SAMD12: variants seen among roughly 807,000 people sequenced by gnomAD.
SAMD12 encodes sterile alpha motif domain-containing protein 12.
In SAMD12, 9 loss-of-function variants were observed where a neutral mutation model predicts 15.0. The ratio of observed to expected loss-of-function variants is 0.60; its 90% CI spans 0.36 to 1.05. SAMD12 has a LOEUF of 1.05. Among genes scored for constraint, SAMD12 ranks in the 50% least tolerant of loss-of-function variants. The probability of loss-of-function intolerance (pLI) is 0.01; values close to 1 mark genes in which losing one functional copy is unlikely to be tolerated. For synonymous variants in SAMD12, 86 were observed against 90.1 expected, an observed-to-expected ratio of 0.96 and a Z score of 0.25; for missense variants, 230 against 234.2, an observed-to-expected ratio of 0.98 and a Z score of 0.12.
rs190180921 is a variant in SAMD12 at position 118,420,040 on chromosome 8, C to A, written c.322+19792G>T. Among the ~76,000 whole-genome samples, 20 of 152,266 alleles carry A rather than the reference C, an allele frequency of 1.3e-4. No individual in the cohort carries two copies. The East Asian group carries it at 3.7e-3, about 28-fold the overall frequency. ...GAAAACTTTCAAAGAAATTACACTG[C>A]CCTCAAGGGTGGCATCTACAGAGGA... On this transcript the variant is annotated intron_variant, in intron 3 of 3. Coordinates refer to ENST00000314727, the MANE Select transcript of SAMD12 (RefSeq NM_207506.3).
chr8:118,529,840 C>T (rs4876851), intron 2 of SAMD12, among the ~76,000 whole-genome samples: 29,449 of 152,096 alleles, frequency 0.19, 2,995 homozygotes, highest in South Asian at 0.39. Flanking sequence ...AATAAACATA[C>T]GAGTGCAGGT....
At chr8:118,412,322 C>T (rs898942497) in intron 3 of SAMD12, among the ~76,000 whole-genome samples, 1 of 152,162 alleles carries the variant, frequency 6.6e-6, no homozygotes, top group Non-Finnish European at 1.5e-5. Flanking sequence ...TTCATCTCAA[C>T]CAGTACCTGA....
At chr8:118,361,630 C>A (rs563920782) in intron 4 of SAMD12, among the ~76,000 whole-genome samples, 17 of 152,152 alleles carry the variant, frequency 1.1e-4, no homozygotes, top group Non-Finnish European at 1.6e-4. Context: ...TACTAAGGCA[C>A]CGCAGTAATG....
At chr8:118,339,248 G>A (rs953571947) in intron 4 of SAMD12, among the ~76,000 whole-genome samples, 3 of 152,152 alleles carry the variant, frequency 2.0e-5, no homozygotes, top group African/African-American at 7.2e-5. Context: ...AGGATCACTT[G>A]AGGCTGGGGA....
At position 118,218,072 on chromosome 8, in the gene SAMD12, A is replaced by G. The variant is rs936733292; in HGVS notation, c.434-20340T>C. On this transcript the variant is annotated intron_variant, in intron 4 of 4. Coordinates refer to the SAMD12 transcript ENST00000409003. Reference sequence around the variant, plus strand: ...TATAGCTCACAGCCCAAGTTCTGCAACACCCAAGTTGGTCTGTACTCAAGA... The same window carrying G: ...TATAGCTCACAGCCCAAGTTCTGCAGCACCCAAGTTGGTCTGTACTCAAGA... Among the ~76,000 whole-genome samples the G allele has an allele frequency of 2.4e-4, 36 of 152,154 alleles. 1 individual carries two copies. Among genetic ancestry groups the G allele is most frequent in the Admixed American group, 1.3e-4 (2 of 15,278 alleles).
intron 3 of SAMD12, among the ~76,000 whole-genome samples, chr8:118,396,823 G>C (rs145539868): frequency 5.2e-4 from 79 of 152,254 alleles, no homozygotes; most frequent in African/African-American, 1.8e-3. Context: ...AGCTTCTGTT[G>C]AGCCCATAGT....
At chr8:118,365,142 T>A (rs921021941) in intron 4 of SAMD12, among the ~76,000 whole-genome samples, 8 of 152,164 alleles carry the variant, frequency 5.3e-5, no homozygotes, top group African/African-American at 1.7e-4. Flanking sequence ...ACTTTTCCAA[T>A]CTCACTTCCT....
intron 3 of SAMD12, among the ~76,000 whole-genome samples, chr8:118,389,840 T>C (rs1429914654): frequency 1.3e-5 from 2 of 152,224 alleles, no homozygotes; most frequent in African/African-American, 2.4e-5. Flanking sequence ...TCTTTTATTT[T>C]TAAGTTAGAT....
At chr8:118,553,813 A>C (rs1384795050) in intron 2 of SAMD12, among the ~76,000 whole-genome samples, 1 of 149,608 alleles carries the variant, frequency 6.7e-6, no homozygotes, top group East Asian at 1.9e-4. Context: ...CAGAATCTAC[A>C]ATGAACTCAA....
At chr8:118,305,328 T>C (rs72675862) in intron 4 of SAMD12, among the ~76,000 whole-genome samples, 2 of 152,270 alleles carry the variant, frequency 1.3e-5, no homozygotes, top group Non-Finnish European at 2.9e-5. Context: ...CAAGCTCTAT[T>C]CTACCTTCCA....
At chr8:118,394,076 T>C (rs1257789781) in intron 3 of SAMD12, among the ~76,000 whole-genome samples, 1 of 152,214 alleles carries the variant, frequency 6.6e-6, no homozygotes, top group Non-Finnish European at 1.5e-5. Context: ...GACACTGGCA[T>C]TGCTTCAGTG....
At chr8:118,179,182 C>T in the SAMD12 span, among the ~76,000 whole-genome samples, 4 of 152,076 alleles carry the variant, frequency 2.6e-5, no homozygotes, top group African/African-American at 9.7e-5. Context: ...TGGCTCATGT[C>T]TCTAATCCCA....
At chr8:118,430,181 T>C (rs1338802006) in intron 3 of SAMD12, among the ~76,000 whole-genome samples, 1 of 152,218 alleles carries the variant, frequency 6.6e-6, no homozygotes, top group Non-Finnish European at 1.5e-5. Context: ...GTCACATTGA[T>C]TGACAATGCT....
intron 3 of SAMD12, among the ~76,000 whole-genome samples, chr8:118,390,158 C>A (rs139797930): frequency 3.5e-4 from 53 of 150,746 alleles, no homozygotes; most frequent in African/African-American, 1.3e-3. Flanking sequence ...AGGTGCCCGC[C>A]ACCATGCCTG....
chr8:118,293,766 T>C (rs1386037661), intron 4 of SAMD12, among the ~76,000 whole-genome samples: 2 of 152,150 alleles, frequency 1.3e-5, no homozygotes, highest in African/African-American at 4.8e-5. Context: ...CAAAGCTCAC[T>C]TCTTCAAGGA....
intron 2 of SAMD12, among the ~76,000 whole-genome samples, chr8:118,485,537 CT>C (rs1228138848): frequency 6.6e-6 from 1 of 152,160 alleles, no homozygotes; most frequent in Non-Finnish European, 1.5e-5. Flanking sequence ...AAACTTCATT[CT>C]GGACTATGAC....
intron 3 of SAMD12, among the ~76,000 whole-genome samples, chr8:118,429,998 G>C (rs758477911): frequency 2.6e-5 from 4 of 152,160 alleles, no homozygotes; most frequent in Non-Finnish European, 5.9e-5. Flanking sequence ...GATGTTACCT[G>C]TACGTTCACC....
chr8:118,514,169 AT>A (rs140200521), intron 2 of SAMD12, among the ~76,000 whole-genome samples: 1 of 152,136 alleles, frequency 6.6e-6, no homozygotes, highest in Non-Finnish European at 1.5e-5. Context: ...ATTTAAAATG[AT>A]TTTTTAAGTT....
chr8:118,580,429 C>A (rs1827264238), intron 2 of SAMD12, among the ~76,000 whole-genome samples: 2 of 152,152 alleles, frequency 1.3e-5, no homozygotes, highest in South Asian at 4.1e-4. Context: ...AGTGGTAAGT[C>A]TGAGCCTGGC....
Sources: gnomAD v4.1 joint callset for allele counts (sites outside exome capture counted in the v4.1 genomes callset) on GRCh38, gnomAD v4.1.1 for gene constraint, MANE v1.5 for transcripts, NCBI Gene and HGNC (gene_info 2026-07-23, HGNC 2026-07-21) for gene names.